ITPR1: variants seen among roughly 807,000 people sequenced by gnomAD.
ITPR1 encodes the protein inositol 1,4,5-trisphosphate-gated calcium channel ITPR1.
A neutral mutation model predicts 318.4 loss-of-function variants in ITPR1; 96 were observed. The ratio of observed to expected loss-of-function variants is 0.30; its 90% CI spans 0.26 to 0.36. The LOEUF (loss-of-function observed/expected upper bound fraction) is 0.36, where lower values mean the gene tolerates loss of function less well. Among genes scored for constraint, ITPR1 ranks in the 10% least tolerant of loss-of-function variants. ITPR1 has a pLI of 1.00. For synonymous variants in ITPR1, 1,312 were observed against 1,289.9 expected, an observed-to-expected ratio of 1.02 and a Z score of -0.37; for missense variants, 2,440 against 3,460.2, an observed-to-expected ratio of 0.71 and a Z score of 7.40.
intron 34 of ITPR1, 45 bp downstream of exon 34, chr3:4,697,317 TGTGTG>T: frequency 1.1e-6 from 1 of 881,354 alleles, no homozygotes; most frequent in South Asian, 2.1e-5. Context: ...GAGTGAGAGG[TGTGTG>T]TGTGTGTGTG....
intron 12 of ITPR1, among the ~76,000 whole-genome samples, chr3:4,657,440 C>T (rs17041125): frequency 7.0e-6 from 1 of 143,738 alleles, no homozygotes; most frequent in Non-Finnish European, 1.5e-5. Flanking sequence ...CCACGGTCAT[C>T]TCTTAGTGTA....
intron 2 of ITPR1, among the ~76,000 whole-genome samples, chr3:4,515,925 G>C (rs2082141542): frequency 6.6e-6 from 1 of 152,182 alleles, no homozygotes. Context: ...TTCTGAAAAG[G>C]CCTAAAAGGC....
At chr3:4,747,475 G>A (rs553675698) in intron 44 of ITPR1, among the ~76,000 whole-genome samples, 17 of 152,298 alleles carry the variant, frequency 1.1e-4, no homozygotes, top group South Asian at 4.1e-4. Flanking sequence ...AGGACTTTGC[G>A]TCTGTTTGCC....
At chr3:4,652,496 C>A (rs536717533) in intron 11 of ITPR1, among the ~76,000 whole-genome samples, 1 of 152,120 alleles carries the variant, frequency 6.6e-6, no homozygotes, top group Non-Finnish European at 1.5e-5. Context: ...TTTTCCATTT[C>A]GCTTTTATAT....
intron 4 of ITPR1, among the ~76,000 whole-genome samples, chr3:4,583,027 A>G (rs1044095201): frequency 1.3e-5 from 2 of 152,124 alleles, no homozygotes; most frequent in Admixed American, 6.5e-5. Flanking sequence ...TTCCTCTCCA[A>G]TATTTATTTA....
At chr3:4,665,351 G>A (rs1328017818) in intron 17 of ITPR1, 55 bp downstream of exon 17, 1 of 1,533,302 alleles carries the variant, frequency 6.5e-7, no homozygotes, top group Non-Finnish European at 8.9e-7. Flanking sequence ...TGAAGTTTGT[G>A]AACTTTCCTC....
At chr3:4,511,554 A>C (rs1361799346) in intron 2 of ITPR1, among the ~76,000 whole-genome samples, 1 of 152,230 alleles carries the variant, frequency 6.6e-6, no homozygotes, top group Non-Finnish European at 1.5e-5. Context: ...TATTGGTGGC[A>C]TGCCTACTTC....
chr3:4,584,080 A>G (rs1038160859), intron 4 of ITPR1, among the ~76,000 whole-genome samples: 1 of 152,088 alleles, frequency 6.6e-6, no homozygotes, highest in Admixed American at 6.5e-5. Context: ...CCTATCCCTT[A>G]TAAGAAACAC....
intron 12 of ITPR1, among the ~76,000 whole-genome samples, chr3:4,655,662 C>G (rs1446720055): frequency 6.6e-6 from 1 of 152,200 alleles, no homozygotes; most frequent in Admixed American, 6.5e-5. Context: ...GTGGTCCAGA[C>G]TCATCCCCCA....
intron 44 of ITPR1, among the ~76,000 whole-genome samples, chr3:4,744,902 T>C (rs79381717): frequency 0.31 from 5,342 of 17,330 alleles, 249 homozygotes; most frequent in South Asian, 0.52. Flanking sequence ...CCCTCCCTCC[T>C]TCCTTCCTTC....
intron 4 of ITPR1, among the ~76,000 whole-genome samples, chr3:4,620,499 T>C (rs929726534): frequency 2.0e-5 from 3 of 152,184 alleles, no homozygotes; most frequent in African/African-American, 7.2e-5. Context: ...TCCAGGGTTC[T>C]GCAGTGCTAA....
chr3:4,597,129 C>A (rs1575655606), intron 4 of ITPR1, among the ~76,000 whole-genome samples: 1 of 152,246 alleles, frequency 6.6e-6, no homozygotes, highest in African/African-American at 2.4e-5. Flanking sequence ...GGTGCCAAAT[C>A]CTGGTTCATT....
At position 4,768,713 on chromosome 3, in the gene ITPR1, C is replaced by T. The variant is rs1263276846; in HGVS notation, c.5928C>T (p.Pro1976=). The T allele has an allele frequency of 6.2e-7, 1 of 1,613,762 alleles. No homozygotes were observed. The highest frequency in any genetic ancestry group is 1.1e-5 in the South Asian group (1 of 91,066). ...EMSAVITIMQ[P]ILRFLQLLCE... Reference sequence around the variant, plus strand: ...GCGCGGTCATCACCATCATGCAGCCCATCCTCCGCTTCCTTCAGCTCCTGT... The same window carrying T: ...GCGCGGTCATCACCATCATGCAGCCTATCCTCCGCTTCCTTCAGCTCCTGT... Residue 1976 remains proline (P), a synonymous_variant, in exon 46 of 62, where the codon CCC becomes CCT. Coordinates refer to ENST00000649015, the MANE Select transcript of ITPR1 (RefSeq NM_001378452.1).
chr3:4,807,811 C>T (rs137984739), intron 55 of ITPR1, among the ~76,000 whole-genome samples: 28 of 152,286 alleles, frequency 1.8e-4, no homozygotes, highest in Admixed American at 5.9e-4. Context: ...TAGAGACTTA[C>T]GTCTGTTTCT....
chr3:4,813,064 G>T, intron 56 of ITPR1, 78 bp from the exon 57 acceptor site: 3 of 988,668 alleles, frequency 3.0e-6, no homozygotes, highest in South Asian at 2.6e-5. Flanking sequence ...TGTTTAATCA[G>T]CCGTGAATTG....
At chr3:4,604,427 T>C (rs1227384829) in intron 4 of ITPR1, among the ~76,000 whole-genome samples, 1 of 152,160 alleles carries the variant, frequency 6.6e-6, no homozygotes, top group East Asian at 1.9e-4. Flanking sequence ...AGGTGTTAGC[T>C]GAAAAAGTTA....
chr3:4,763,331 T>G (rs527484987), intron 44 of ITPR1, among the ~76,000 whole-genome samples: 1 of 152,186 alleles, frequency 6.6e-6, no homozygotes, highest in Non-Finnish European at 1.5e-5. Context: ...AACCTGCACG[T>G]CCTGCATAGG....
chr3:4,503,764 A>C (rs2081205355), intron 2 of ITPR1, among the ~76,000 whole-genome samples: 1 of 152,052 alleles, frequency 6.6e-6, no homozygotes, highest in African/African-American at 2.4e-5. Context: ...CCTGTCCTTG[A>C]GTGAATTTTT....
intron 11 of ITPR1, among the ~76,000 whole-genome samples, chr3:4,653,297 C>A (rs2093637672): frequency 6.6e-6 from 1 of 152,030 alleles, no homozygotes; most frequent in Non-Finnish European, 1.5e-5. Context: ...GTGCTCAGCC[C>A]CCCACGGTGC....
Sources: gnomAD v4.1 joint callset for allele counts (sites outside exome capture counted in the v4.1 genomes callset) on GRCh38, gnomAD v4.1.1 for gene constraint, MANE v1.5 for transcripts, NCBI Gene and HGNC (gene_info 2026-07-23, HGNC 2026-07-21) for gene names.